Variants in LYRM4 observed in about 807,000 individuals in gnomAD.
LYRM4 encodes the protein LYR motif containing 4, also known as LYR motif-containing protein 4.
In LYRM4, 9 loss-of-function variants were observed where a neutral mutation model predicts 11.7. The observed-to-expected ratio is 0.77, with a 90% CI of 0.46 to 1.34. LYRM4 has a LOEUF of 1.34. LYRM4 is among the 40% of genes most tolerant of loss of function. The pLI, the probability that LYRM4 is intolerant of heterozygous loss-of-function variation, is 0.00. For synonymous variants in LYRM4, 42 were observed against 40.4 expected (o/e 1.04, Z -0.15); for missense variants, 133 against 112.5 (o/e 1.18, Z -0.82).
At chr6:5,234,075 C>T (rs1440580865) in intron 1 of LYRM4, among the ~76,000 whole-genome samples, 2 of 152,148 alleles carry the variant, frequency 1.3e-5, no homozygotes, top group Non-Finnish European at 2.9e-5. Flanking sequence ...AATTTCAAGT[C>T]ATATTTCTGA....
chr6:5,208,566 G>A (rs1761828535), intron 2 of LYRM4, among the ~76,000 whole-genome samples: 1 of 152,192 alleles, frequency 6.6e-6, no homozygotes, highest in African/African-American at 2.4e-5. Context: ...TATGAAAGAC[G>A]CATAGGGACA....
the LYRM4 span, among the ~76,000 whole-genome samples, chr6:5,054,595 GC>G: frequency 6.6e-6 from 1 of 152,002 alleles, no homozygotes; most frequent in South Asian, 2.1e-4. Flanking sequence ...AACTCTAAGC[GC>G]CCCCAACCAA....
intron 2 of LYRM4, among the ~76,000 whole-genome samples, chr6:5,117,074 T>C (rs1043226779): frequency 6.6e-6 from 1 of 152,180 alleles, no homozygotes; most frequent in Non-Finnish European, 1.5e-5. Flanking sequence ...AGAGTTGTTA[T>C]GGGAATCAAA....
At chr6:5,091,430 C>T in the LYRM4 span, among the ~76,000 whole-genome samples, 20 of 152,218 alleles carry the variant, frequency 1.3e-4, no homozygotes, top group Non-Finnish European at 2.1e-4. Flanking sequence ...GACATCAGAA[C>T]GCAGCGGTCA....
intron 1 of LYRM4, among the ~76,000 whole-genome samples, chr6:5,225,747 A>G (rs1005360112): frequency 6.6e-6 from 1 of 152,214 alleles, no homozygotes; most frequent in African/African-American, 2.4e-5. Context: ...GTTCAAAGAT[A>G]GATAAATATT....
At chr6:5,107,144 T>C (rs533684207), downstream of LYRM4, 5 of 152,374 alleles carry the variant, frequency 3.3e-5, no homozygotes, top group South Asian at 1.0e-3. Context: ...TCCAAAGGCA[T>C]AGTTAATTTT....
chr6:5,116,627 A>G (rs1763130654), intron 2 of LYRM4, among the ~76,000 whole-genome samples: 2 of 152,244 alleles, frequency 1.3e-5, no homozygotes, highest in Non-Finnish European at 2.9e-5. Flanking sequence ...CCAGAATCCC[A>G]AATTGACTTA....
the LYRM4 span, among the ~76,000 whole-genome samples, chr6:5,080,373 C>T: frequency 6.6e-6 from 1 of 152,238 alleles, no homozygotes; most frequent in Non-Finnish European, 1.5e-5. Context: ...TAATGTGTTT[C>T]ATGACCCTTG....
intron 2 of LYRM4, among the ~76,000 whole-genome samples, chr6:5,124,536 A>C (rs910322681): frequency 5.9e-5 from 9 of 152,212 alleles, no homozygotes; most frequent in Non-Finnish European, 1.2e-4. Context: ...TGACTTCAGA[A>C]ATATTCATCC....
chr6:5,249,800 T>C (rs1764350276), intron 1 of LYRM4, among the ~76,000 whole-genome samples: 1 of 152,184 alleles, frequency 6.6e-6, no homozygotes, highest in Non-Finnish European at 1.5e-5. Flanking sequence ...TAGGTACCAG[T>C]TGATTGGGGA....
At chr6:5,251,163 T>C (rs1561902976) in intron 1 of LYRM4, among the ~76,000 whole-genome samples, 1 of 152,316 alleles carries the variant, frequency 6.6e-6, no homozygotes, top group East Asian at 1.9e-4. Context: ...GGTTCTAGTG[T>C]GGTAATATAT....
chr6:5,112,852 G>A (rs1386462646), intron 2 of LYRM4, among the ~76,000 whole-genome samples: 2 of 152,182 alleles, frequency 1.3e-5, no homozygotes, highest in Admixed American at 6.5e-5. Context: ...CCCATGACAC[G>A]ATTGGACGTG....
downstream of LYRM4, among the ~76,000 whole-genome samples, chr6:5,099,445 G>A (rs141969716): frequency 4.5e-3 from 600 of 132,848 alleles, 5 homozygotes; most frequent in Non-Finnish European, 5.9e-3. This position sits in a 1 kb window ranked among gnomAD's most constrained non-coding sequence, Gnocchi z 4.3. Context: ...TAGCGATGAG[G>A]CCTCACTATA....
intron 2 of LYRM4, among the ~76,000 whole-genome samples, chr6:5,187,829 G>C (rs937412342): frequency 2.1e-5 from 1 of 48,340 alleles, no homozygotes; most frequent in Non-Finnish European, 3.4e-5. Context: ...TATTGTGTTA[G>C]TGGAAAAAAA....
At chr6:5,230,363 G>C (rs1763164104) in intron 1 of LYRM4, among the ~76,000 whole-genome samples, 1 of 152,160 alleles carries the variant, frequency 6.6e-6, no homozygotes, top group Non-Finnish European at 1.5e-5. Flanking sequence ...AAGTATCACT[G>C]TGACAGTATA....
intron 2 of LYRM4, among the ~76,000 whole-genome samples, chr6:5,115,937 T>C (rs1180498905): frequency 2.0e-5 from 3 of 152,128 alleles, no homozygotes; most frequent in Non-Finnish European, 4.4e-5. Context: ...TGGGCCTGCC[T>C]CAGTTCCCCT....
At chr6:5,053,091 T>A in the LYRM4 span, among the ~76,000 whole-genome samples, 2 of 152,214 alleles carry the variant, frequency 1.3e-5, no homozygotes, top group African/African-American at 4.8e-5. Context: ...GTACTTGTTG[T>A]TTTGGATATG....
At chr6:5,246,854 G>C (rs780412448) in intron 1 of LYRM4, among the ~76,000 whole-genome samples, 3 of 152,118 alleles carry the variant, frequency 2.0e-5, no homozygotes, top group Non-Finnish European at 4.4e-5. Flanking sequence ...TGGAAACAGA[G>C]ACTTGGGAGT....
the LYRM4 span, among the ~76,000 whole-genome samples, chr6:5,048,874 G>A: frequency 6.6e-6 from 1 of 152,166 alleles, no homozygotes; most frequent in Non-Finnish European, 1.5e-5. Flanking sequence ...TTGTTCCTCT[G>A]AGCTTGTGGG....
Sources: allele counts gnomAD v4.1 joint callset (sites outside exome capture counted in the v4.1 genomes callset), GRCh38; gene constraint gnomAD v4.1.1; non-coding constraint Gnocchi (gnomAD v3.1); transcripts MANE v1.5; gene names NCBI Gene and HGNC (gene_info 2026-07-23, HGNC 2026-07-21).